Variants in RBFOX1 observed in about 807,000 individuals in gnomAD.
RBFOX1 encodes RNA binding fox-1 homolog 1, also known as RNA binding protein fox-1 homolog 1.
In RBFOX1, 8 loss-of-function variants were observed where a neutral mutation model predicts 57.7. The observed-to-expected ratio is 0.14, with a 90% CI of 0.08 to 0.25. The LOEUF is 0.25. RBFOX1 is among the 10% of genes least tolerant of loss of function. The pLI, the probability that RBFOX1 is intolerant of heterozygous loss-of-function variation, is 1.00. For missense variants in RBFOX1, 611 were observed against 548.5 expected (o/e 1.11, Z -1.14); for synonymous variants, 326 against 222.4 (o/e 1.47, Z -4.15).
At chr16:6,990,951 C>T (rs757542119) in intron 3 of RBFOX1, among the ~76,000 whole-genome samples, 3 of 151,974 alleles carry the variant, frequency 2.0e-5, no homozygotes, top group Admixed American at 2.0e-4. Flanking sequence ...CCACATTGTT[C>T]ATTGATTGCA....
intron 2 of RBFOX1, among the ~76,000 whole-genome samples, chr16:6,587,747 C>G (rs1308809894): frequency 6.6e-6 from 1 of 152,152 alleles, no homozygotes; most frequent in Non-Finnish European, 1.5e-5. Flanking sequence ...TACATACAAA[C>G]TTGTAGAAAA....
chr16:6,806,768 T>C (rs994164816), intron 3 of RBFOX1, among the ~76,000 whole-genome samples: 7 of 130,492 alleles, frequency 5.4e-5, no homozygotes, highest in African/African-American at 1.9e-4. Flanking sequence ...ATTTTTTCTT[T>C]GTTTCTTTTT....
At chr16:6,521,501 AT>A (rs2096496946) in intron 2 of RBFOX1, among the ~76,000 whole-genome samples, 1 of 107,460 alleles carries the variant, frequency 9.3e-6, no homozygotes, top group African/African-American at 3.7e-5. Context: ...CTCCCGTTTT[AT>A]CCCCTCCCCT....
chr16:6,837,928 C>G (rs564552652), intron 3 of RBFOX1, among the ~76,000 whole-genome samples: 1 of 151,726 alleles, frequency 6.6e-6, no homozygotes, highest in Admixed American at 6.6e-5. Context: ...ATGGCAACAG[C>G]AGGAAGTTAC....
intron 1 of RBFOX1, among the ~76,000 whole-genome samples, chr16:5,249,590 G>A (rs72633282): frequency 0.13 from 19,339 of 152,272 alleles, 1,395 homozygotes; most frequent in East Asian, 0.3. Flanking sequence ...CCAGCTGAGA[G>A]GGTCTATGTG....
intron 1 of RBFOX1, among the ~76,000 whole-genome samples, chr16:6,182,291 A>G (rs1021566482): frequency 1.3e-5 from 2 of 152,086 alleles, no homozygotes; most frequent in African/African-American, 4.8e-5. Context: ...TTTTCCCCCA[A>G]TTTTACTCTG....
chr16:5,684,802 A>G (rs542202492), intron 3 of RBFOX1, among the ~76,000 whole-genome samples: 2 of 152,298 alleles, frequency 1.3e-5, no homozygotes, highest in East Asian at 1.9e-4. Context: ...TGAGCTGTGT[A>G]TCTCTACTTT....
At chr16:5,747,665 G>A (rs142631762) in intron 3 of RBFOX1, among the ~76,000 whole-genome samples, 68 of 152,042 alleles carry the variant, frequency 4.5e-4, no homozygotes, top group Admixed American at 2.6e-3. Context: ...GTTTTTTTGC[G>A]TAGAGGTGTT....
intron 3 of RBFOX1, among the ~76,000 whole-genome samples, chr16:6,959,398 T>C (rs2082490903): frequency 1.3e-5 from 2 of 152,188 alleles, no homozygotes; most frequent in South Asian, 4.1e-4. Context: ...TTTGTGGGGT[T>C]TCTAAGAGTT....
At chr16:6,657,579 A>G (rs1384901002) in intron 3 of RBFOX1, among the ~76,000 whole-genome samples, 3 of 152,166 alleles carry the variant, frequency 2.0e-5, no homozygotes. Flanking sequence ...TGTTTAGGAA[A>G]TTTCACCACT....
intron 1 of RBFOX1, among the ~76,000 whole-genome samples, chr16:6,285,267 C>T (rs2076785417): frequency 6.6e-6 from 1 of 152,026 alleles, no homozygotes; most frequent in Non-Finnish European, 1.5e-5. Flanking sequence ...GCATAAGCCT[C>T]CATGACAAAG....
chr16:6,653,600 G>A (rs900585179), intron 2 of RBFOX1, among the ~76,000 whole-genome samples: 17 of 152,150 alleles, frequency 1.1e-4, no homozygotes, highest in African/African-American at 3.6e-4. Context: ...TGAATGAGTG[G>A]ATGAGTGGAA....
chr16:6,100,152 G>A (rs1204197805), intron 1 of RBFOX1, among the ~76,000 whole-genome samples: 1 of 150,920 alleles, frequency 6.6e-6, no homozygotes, highest in Non-Finnish European at 1.5e-5. Context: ...TTTTTTTGTT[G>A]TTGTTTTTTT....
intron 1 of RBFOX1, among the ~76,000 whole-genome samples, chr16:5,431,110 G>A (rs74925442): frequency 0.046 from 7,028 of 152,256 alleles, 220 homozygotes; most frequent in Middle Eastern, 0.092. Context: ...GAGTTTATAG[G>A]AACGTGTAAG....
intron 2 of RBFOX1, among the ~76,000 whole-genome samples, chr16:5,571,251 C>T (rs2046273595): frequency 1.6e-5 from 2 of 124,150 alleles, no homozygotes; most frequent in Non-Finnish European, 3.2e-5. Context: ...GATGGAGTCA[C>T]ACTGTGTCAC....
chr16:6,420,036 A>T (rs151174489), intron 2 of RBFOX1, among the ~76,000 whole-genome samples: 1 of 152,268 alleles, frequency 6.6e-6, no homozygotes, highest in African/African-American at 2.4e-5. Context: ...GAGCTGTTTC[A>T]GGTTGTTTGT....
chr16:7,385,859 T>A (rs538049877), intron 4 of RBFOX1, among the ~76,000 whole-genome samples: 3 of 152,072 alleles, frequency 2.0e-5, no homozygotes, highest in African/African-American at 7.2e-5. Flanking sequence ...GTTCAAGCAG[T>A]TTTTCTGCTT....
intron 1 of RBFOX1, among the ~76,000 whole-genome samples, chr16:5,419,497 C>G (rs796676101): frequency 3.3e-5 from 5 of 152,056 alleles, no homozygotes; most frequent in Middle Eastern, 3.4e-3. Context: ...TTTCCCAGTC[C>G]ACTGGCACAA....
chr16:7,288,213 C>G (rs761918988), intron 4 of RBFOX1, among the ~76,000 whole-genome samples: 5 of 152,130 alleles, frequency 3.3e-5, no homozygotes, highest in Non-Finnish European at 7.4e-5. Flanking sequence ...TCCTGTAATT[C>G]AATTTAATTT....
Sources: allele counts gnomAD v4.1 joint callset (sites outside exome capture counted in the v4.1 genomes callset), GRCh38; gene constraint gnomAD v4.1.1; transcripts MANE v1.5; gene names NCBI Gene and HGNC (gene_info 2026-07-23, HGNC 2026-07-21).